CALHM2: variants seen among roughly 807,000 people sequenced by gnomAD.
The protein encoded by CALHM2 is calcium homeostasis modulator protein 2.
CALHM2 carries 18 observed loss-of-function variants against 20.4 expected under a neutral mutation model. The ratio of observed to expected loss-of-function variants is 0.88; its 90% CI spans 0.61 to 1.31. The LOEUF (loss-of-function observed/expected upper bound fraction) is 1.31, where lower values mean the gene tolerates loss of function less well. Ranked by LOEUF, CALHM2 falls within the 50% of genes most tolerant of loss-of-function variation. CALHM2 has a pLI of 0.00. For missense variants in CALHM2, 411 were observed against 435.7 expected (o/e 0.94, Z 0.50); for synonymous variants, 193 against 192.1 (o/e 1.00, Z -0.04).
rs1378094503 is a variant in CALHM2, at chr10:103,447,282, A to AT, written c.841dup (p.Ile281AsnfsTer9). The AT allele has an allele frequency of 8.1e-6, 13 of 1,614,260 alleles. No individual in the cohort carries two copies. The highest frequency in any genetic ancestry group is 9.3e-6 in the Non-Finnish European group (11 of 1,180,052). On this transcript the variant is annotated frameshift_variant, in exon 4 of 4. Coordinates refer to ENST00000260743, the MANE Select transcript of CALHM2 (RefSeq NM_015916.5). LOFTEE classifies it high-confidence loss of function. Reference sequence around the variant, plus strand: ...CTCACGGTACAAGTAGACGCCGGTGATGGCATTCCACTGTGGCCGTGGCTG... The same window carrying AT: ...CTCACGGTACAAGTAGACGCCGGTGATTGGCATTCCACTGTGGCCGTGGCTG...
At position 103,449,788 on chromosome 10, in the gene CALHM2, G is replaced by T; in HGVS notation, c.154C>A (p.Arg52=). 1.2e-6 allele frequency: 2 copies of T among 1,613,456 alleles called. No individual in the cohort carries two copies. The highest frequency in any genetic ancestry group is 1.1e-5 in the South Asian group (1 of 91,072). ...VAFHCPCSPA[R]NYLYGLAAIG... ...GCCGCCAGCCCGTACAGGTAGTTCC[G>T]GGCCGGCGAGCAGGGGCAGTGGAAG... The change falls in exon 3 of 4, where the codon CGG becomes AGG. Residue 52 remains arginine, a synonymous_variant. Transcript: ENST00000260743.
rs755728900 is a variant in CALHM2, at chr10:103,449,648, G to A, written c.294C>T (p.Pro98=). Residue 98 remains proline, a synonymous_variant, in exon 3 of 4, where the codon CCC becomes CCT. Coordinates refer to ENST00000260743, the MANE Select transcript of CALHM2 (RefSeq NM_015916.5). ...HRRTKNCSAA[P]TFLLLSSILG... Reference sequence around the variant, plus strand: ...GGATGGAGCTTAGAAGGAGGAAGGTGGGGGCGGCGGAGCAGTTCTTGGTCC... The same window carrying A: ...GGATGGAGCTTAGAAGGAGGAAGGTAGGGGCGGCGGAGCAGTTCTTGGTCC... 55 of 1,613,766 alleles carry A rather than the reference G, an allele frequency of 3.4e-5. No homozygotes were observed. The highest frequency in any genetic ancestry group is 4.6e-5 in the Non-Finnish European group (54 of 1,180,052).
In CALHM2 at chr10:103,447,035, C is replaced by G. The variant is rs560728020; in HGVS notation, c.*117G>C. 637 of 1,158,246 alleles carry G rather than the reference C, an allele frequency of 5.5e-4. 9 individuals are homozygous for G. The East Asian group carries it at 0.015, about 28-fold the overall frequency. 71.7% of individuals were successfully genotyped at this position (1,158,246 alleles called of 1,614,324 possible). On this transcript the variant is annotated 3_prime_UTR_variant, in exon 4 of 4. Coordinates refer to ENST00000260743, the MANE Select transcript of CALHM2 (RefSeq NM_015916.5). Reference sequence around the variant, plus strand: ...CCAGATTGCCTTGTGGTCCTTTCCCCTGGCCAAGAAGATAACAGTTTTTTA... The same window carrying G: ...CCAGATTGCCTTGTGGTCCTTTCCCGTGGCCAAGAAGATAACAGTTTTTTA...
At position 103,447,359 on chromosome 10, in the gene CALHM2, C is replaced by T. The variant is rs376485579; in HGVS notation, c.765G>A (p.Ala255=). Residue 255 remains alanine (A), a synonymous_variant, in exon 4 of 4, where the codon GCG becomes GCA. Coordinates refer to ENST00000260743, the MANE Select transcript of CALHM2 (RefSeq NM_015916.5). ...NNVRRFFGFV[A]LNKDDEELIA... ...TCAGTTCCTCATCATCCTTGTTGAG[C>T]GCCACAAAGCCAAAGAAGCGGCGCA... 9.9e-6 allele frequency: 16 copies of T among 1,613,994 alleles called. No homozygotes were observed. Among genetic ancestry groups the T allele is most frequent in the Admixed American group, 3.3e-5 (2 of 60,006 alleles).
intron 3 of CALHM2, among the ~76,000 whole-genome samples, chr10:103,448,454 A>T (rs961315393): frequency 6.6e-6 from 1 of 151,514 alleles, no homozygotes. Context: ...CTCTGTTTAC[A>T]TTTCTTATTT....
At chr10:103,450,247 A>C (rs1244580764) in intron 2 of CALHM2, 148 bp from the exon 3 acceptor site, 1 of 420,584 alleles carries the variant, frequency 2.4e-6, no homozygotes, top group African/African-American at 2.0e-5. Flanking sequence ...TCCAGGGTGC[A>C]TGGCACCCCT....
chr10:103,450,450 G>A (rs2032925067), intron 2 of CALHM2: 1 of 178,798 alleles, frequency 5.6e-6, no homozygotes, highest in Admixed American at 5.4e-5. Flanking sequence ...AGGGCTTGGG[G>A]GTGGCCCATG....
chr10:103,449,796 G>A lies in CALHM2; in HGVS notation c.146C>T (p.Ser49Leu), dbSNP rs770124004. Reference sequence around the variant, plus strand: ...CCCGTACAGGTAGTTCCGGGCCGGCGAGCAGGGGCAGTGGAAGGCCACCAC... The same window carrying A: ...CCCGTACAGGTAGTTCCGGGCCGGCAAGCAGGGGCAGTGGAAGGCCACCAC... Reference protein sequence around the residue: ...FSVVAFHCPCSPARNYLYGLA... With the variant: ...FSVVAFHCPCLPARNYLYGLA... The change falls in exon 3 of 4, where the codon TCG becomes TTG. Residue 49 changes from serine (S) to leucine (L), a missense_variant. Transcript: ENST00000260743. 100 of 1,613,302 alleles carry A rather than the reference G, an allele frequency of 6.2e-5. No homozygotes were observed. Among genetic ancestry groups the A allele is most frequent in the South Asian group, 5.1e-4 (46 of 91,068 alleles).
chr10:103,451,832 T>G (rs2033011989), intron 1 of CALHM2: 1 of 152,718 alleles, frequency 6.5e-6, no homozygotes, highest in Non-Finnish European at 1.5e-5. Context: ...TAGCTCCCTG[T>G]GGAGGCCCTG....
At chr10:103,450,193 T>C (rs2032912104) in intron 2 of CALHM2, 94 bp from the exon 3 acceptor site, 2 of 540,132 alleles carry the variant, frequency 3.7e-6, no homozygotes, top group South Asian at 4.4e-5. Flanking sequence ...GGAAGGACCA[T>C]AGGGCCCCAG....
rs1564787529 is a variant in CALHM2 at position 103,449,922 on chromosome 10, TCTGCGATCAGGG to T, written c.8_19del (p.Ala3_Ala6del). Reference sequence around the variant, plus strand: ...GAAAAGTGACAGGAAGCGGAAGTTCTCTGCGATCAGGGCTGCCATGGCGATAGTCGTGGCGGG... The same window carrying T: ...GAAAAGTGACAGGAAGCGGAAGTTCTCTGCCATGGCGATAGTCGTGGCGGG... On this transcript the variant is annotated inframe_deletion, in exon 3 of 4. Transcript: ENST00000260743. 1 of 1,611,858 alleles carries T rather than the reference TCTGCGATCAGGG, an allele frequency of 6.2e-7. No individual in the cohort carries two copies. The highest frequency in any genetic ancestry group is 2.2e-5 in the East Asian group (1 of 44,850).
Position 103,447,178 on chromosome 10 carries a change from C to T in CALHM2, c.946G>A (p.Val316Met), listed in dbSNP as rs1306164523. The change falls in exon 4 of 4, where the codon GTG becomes ATG. Residue 316 changes from valine to methionine, a missense_variant. Transcript: ENST00000260743. ...TAGGAGGGGAGCAGGGCCATCTCCA[C>T]GTTGTCAGGGGCCGCGCCGTTGCCT... ...LAGNGAAPDNVEMALLPS is the reference protein window; with the variant it reads ...LAGNGAAPDNMEMALLPS 1.7e-5 allele frequency: 28 copies of T among 1,611,296 alleles called. No individual in the cohort carries two copies. The South Asian group carries it at 2.0e-4, about 11-fold the overall frequency.
Position 103,449,378 on chromosome 10 carries a change from G to T in CALHM2, c.555+9C>A. 1 of 1,610,850 alleles carries T rather than the reference G, an allele frequency of 6.2e-7. No individual in the cohort carries two copies. Reference sequence around the variant, plus strand: ...GGGAAGAGGAGCTTCCCTTTGCACAGCTCCTTACCTGGGACTCATACCTGA... The same window carrying T: ...GGGAAGAGGAGCTTCCCTTTGCACATCTCCTTACCTGGGACTCATACCTGA... On this transcript the variant is annotated intron_variant, in intron 3 of 3. Transcript: ENST00000260743.
Position 103,447,220 on chromosome 10 carries a change from A to G in CALHM2, c.904T>C (p.Trp302Arg). The G allele has an allele frequency of 6.2e-7, 1 of 1,614,186 alleles. No individual in the cohort carries two copies. Among genetic ancestry groups the G allele is most frequent in the Non-Finnish European group, 8.5e-7 (1 of 1,180,036 alleles). ...CCGTTGCCTGCCAGACCCTGGGCCC[A>G]CTTGTGCAGGCGGCTGTAGAGTGGG... ...GLPLYSRLHK[W>R]AQGLAGNGAA... The change falls in exon 4 of 4, where the codon TGG becomes CGG. Residue 302 changes from tryptophan to arginine, a missense_variant. By Grantham distance (101) the Trp-to-Arg change is moderately radical. Coordinates refer to ENST00000260743, the MANE Select transcript of CALHM2 (RefSeq NM_015916.5).
At chr10:103,449,313 A>G in intron 3 of CALHM2, 74 bp downstream of exon 3, 1 of 1,337,504 alleles carries the variant, frequency 7.5e-7, no homozygotes, top group Non-Finnish European at 1.1e-6. Context: ...CCCCAGCTTT[A>G]GCACTAGGCC....
chr10:103,449,155 A>G, intron 3 of CALHM2: 1 of 544,838 alleles, frequency 1.8e-6, no homozygotes, highest in Non-Finnish European at 3.3e-6. Context: ...ATTTGGTCAT[A>G]TACAACTGAG....
At chr10:103,450,322 C>T (rs2032918663) in intron 2 of CALHM2, 2 of 220,072 alleles carry the variant, frequency 9.1e-6, no homozygotes, top group Non-Finnish European at 1.8e-5. Context: ...AAAGTGAAGG[C>T]TTCCTGAGGA....
intron 3 of CALHM2, 25 bp downstream of exon 3, chr10:103,449,362 A>G: frequency 1.9e-6 from 3 of 1,593,952 alleles, no homozygotes; most frequent in Non-Finnish European, 2.6e-6. Flanking sequence ...AGGGAAGAGG[A>G]GCTTCCCTTT....
At chr10:103,451,961 C>T (rs1292291376) in intron 1 of CALHM2, 195 bp downstream of exon 1, 1 of 152,630 alleles carries the variant, frequency 6.6e-6, no homozygotes, top group Non-Finnish European at 1.5e-5. Flanking sequence ...GGGTCACATC[C>T]AGACCCCCAG....
Sources: gnomAD v4.1 joint callset for allele counts (sites outside exome capture counted in the v4.1 genomes callset) on GRCh38, gnomAD v4.1.1 for gene constraint, MANE v1.5 for transcripts, NCBI Gene and HGNC (gene_info 2026-07-23, HGNC 2026-07-21) for gene names.